The following KRT3 variants were observed in gnomAD, a reference collection of about 807,000 sequenced individuals.
KRT3 encodes the protein keratin, type II cytoskeletal 3.
Under a neutral mutation model 45.8 loss-of-function variants are expected in KRT3, and 34 were observed. The observed-to-expected ratio is 0.74, with a 90% CI of 0.57 to 0.99. The LOEUF is 0.99. Ranked by LOEUF, KRT3 falls within the 50% of genes least tolerant of loss-of-function variation. The probability of loss-of-function intolerance (pLI) is 0.00; values close to 1 mark genes in which losing one functional copy is unlikely to be tolerated. For synonymous variants in KRT3, 367 were observed against 329.0 expected, an observed-to-expected ratio of 1.12 and a Z score of -1.25; for missense variants, 828 against 820.6, an observed-to-expected ratio of 1.01 and a Z score of -0.11.
intron 1 of KRT3, 125 bp from the exon 2 acceptor site, chr12:52,794,456 A>G (rs1339801002): frequency 1.3e-5 from 9 of 676,016 alleles, no homozygotes; most frequent in Non-Finnish European, 2.4e-5. Flanking sequence ...AAAAGATGCA[A>G]AGATAGGCTC....
chr12:52,790,859 A>G lies in KRT3; in HGVS notation c.1549T>C (p.Cys517Arg). ...TTACAGATGCTGACAGCACTCGGAC[A>G]CTCTCCAGACATCCTGTTTGAGAAA... ...EGEEYRMSGE[C>R]PSAVSISVVS... Residue 517 changes from cysteine (C) to arginine (R), a missense_variant, in exon 8 of 9, where the codon TGT becomes CGT. Coordinates refer to ENST00000417996, the MANE Select transcript of KRT3 (RefSeq NM_057088.3). The G allele has an allele frequency of 6.3e-7, 1 of 1,598,056 alleles. No individual in the cohort carries two copies. Among genetic ancestry groups the G allele is most frequent in the South Asian group, 1.1e-5 (1 of 87,864 alleles).
Position 52,794,193 on chromosome 12 carries a change from G to C in KRT3, c.784C>G (p.Leu262Val). ...ENHINYLRSY[L>V]DNILGERGRL... ...CCTCTCTCCCCGAGGATGTTGTCCAGGTAGCTCCGCAGGTAGTTGATGTGA... is the reference window on the plus strand; with the variant it reads ...CCTCTCTCCCCGAGGATGTTGTCCACGTAGCTCCGCAGGTAGTTGATGTGA... Residue 262 changes from leucine to valine, a missense_variant, in exon 2 of 9, where the codon CTG becomes GTG. Transcript: ENST00000417996. The C allele has an allele frequency of 6.2e-7, 1 of 1,614,230 alleles. No homozygotes were observed. The highest frequency in any genetic ancestry group is 8.5e-7 in the Non-Finnish European group (1 of 1,180,036).
chr12:52,792,123 G>T, intron 5 of KRT3, 116 bp downstream of exon 5: 1 of 910,548 alleles, frequency 1.1e-6, no homozygotes, highest in South Asian at 1.7e-5. Flanking sequence ...ACTTCAGAGG[G>T]TAAAACCAAA....
At chr12:52,792,646 A>G in intron 4 of KRT3, 65 bp downstream of exon 4, 1 of 1,245,548 alleles carries the variant, frequency 8.0e-7, no homozygotes, top group Non-Finnish European at 1.2e-6. Context: ...ACCAAAATGC[A>G]CCAGCCTCAA....
At position 52,792,781 on chromosome 12, in the gene KRT3, T is replaced by G; in HGVS notation, c.953A>C (p.Lys318Thr). The G allele has an allele frequency of 1.2e-6, 2 of 1,613,230 alleles. No homozygotes were observed. The highest frequency in any genetic ancestry group is 1.7e-6 in the Non-Finnish European group (2 of 1,179,166). Residue 318 changes from lysine (K) to threonine (T), a missense_variant, in exon 4 of 9, where the codon AAG (lysine) becomes ACG (threonine). By Grantham distance (78) the Lys-to-Thr change is moderately conservative. Coordinates refer to ENST00000417996, the MANE Select transcript of KRT3 (RefSeq NM_057088.3). ...ATCCACTTTGGCCTGAAGCTCCACC[T>G]TGTTCATATAGGCACTGTCCACATC... ...KKDVDSAYMNKVELQAKVDAL... is the reference protein window; with the variant it reads ...KKDVDSAYMNTVELQAKVDAL...
Position 52,790,127 on chromosome 12 carries a change from C to T in KRT3, c.1802G>A (p.Gly601Asp), listed in dbSNP as rs192685142. 851 of 1,546,478 alleles carry T rather than the reference C, an allele frequency of 5.5e-4. 1 individual carries two copies. In the African/African-American group the frequency reaches 9.1e-3, roughly 17 times the overall value. Residue 601 changes from glycine (G) to aspartate (D), a missense_variant, in exon 9 of 9, where the codon GGC becomes GAC. Gly to Asp is a moderately conservative substitution (Grantham distance 94, BLOSUM62 -1). Transcript: ENST00000417996. ...GTTGCTGGCCGAGCTGAAGCCCCCG[C>T]CACTGACTCCATAGCGGGCGCCAGA... ...SISGARYGVS[G>D]GGFSSASNRG...
Position 52,790,170 on chromosome 12 carries a change from TGC to T in KRT3, c.1757_1758del (p.Gly586GlufsTer141). 6.5e-7 allele frequency: 1 copy of T among 1,548,248 alleles called. No individual in the cohort carries two copies. The highest frequency in any genetic ancestry group is 8.7e-7 in the Non-Finnish European group (1 of 1,146,800). Reference protein sequence around the residue: ...FGGGSSGFSGGSGFGSISGAR... With the variant: ...FGGGSSGFSGXSGFGSISGAR... Reference sequence around the variant, plus strand: ...GCGCCAGAGATGGAGCCAAAGCCGCTGCCACCGCTGAAACCGCTGCTGCCGCC... The same window carrying T: ...GCGCCAGAGATGGAGCCAAAGCCGCTCACCGCTGAAACCGCTGCTGCCGCC... On this transcript the variant is annotated frameshift_variant, in exon 9 of 9. Transcript: ENST00000417996. LOFTEE classifies it low-confidence loss of function (END_TRUNC).
chr12:52,794,360 G>A (rs764116805), intron 1 of KRT3, 29 bp from the exon 2 acceptor site: 134 of 1,564,202 alleles, frequency 8.6e-5, no homozygotes, highest in Non-Finnish European at 1.1e-4. Context: ...GCAACATCAG[G>A]CAACACTTGT....
At position 52,792,284 on chromosome 12, in the gene KRT3, G is replaced by A. The variant is rs745571194; in HGVS notation, c.1143C>T (p.Ile381=). 26 of 1,613,974 alleles carry A rather than the reference G, an allele frequency of 1.6e-5. No individual in the cohort carries two copies. Among genetic ancestry groups the A allele is most frequent in the East Asian group, 8.9e-5 (4 of 44,892 alleles). Residue 381 remains isoleucine, a synonymous_variant, in exon 5 of 9, where the codon ATC becomes ATT. Coordinates refer to ENST00000417996, the MANE Select transcript of KRT3 (RefSeq NM_057088.3). ...CAGCTTCGGCCTTGCTTCTCTGAGC[G>A]ATATCCTCATACTGTGCACGAACTT... ...IAEVRAQYED[I]AQRSKAEAEA...
chr12:52,792,978 T>C (rs1464774572), intron 3 of KRT3, among the ~76,000 whole-genome samples, 172 bp from the exon 4 acceptor site: 1 of 152,166 alleles, frequency 6.6e-6, no homozygotes, highest in African/African-American at 2.4e-5. Flanking sequence ...TTAATCCTAC[T>C]AAAAAACTAA....
Position 52,795,905 on chromosome 12 carries a change from C to G in KRT3, c.138G>C (p.Arg46=), listed in dbSNP as rs377002190. Residue 46 remains arginine, a synonymous_variant, in exon 1 of 9, where the codon CGG becomes CGC. Coordinates refer to ENST00000417996, the MANE Select transcript of KRT3 (RefSeq NM_057088.3). ...GACTGCCAAAGCCACCTGCTCCGCT[C>G]CGGAAGCCATAGGCCCCTCCGCCAG... ...GGAGGGAYGF[R]SGAGGFGSRS... is the part of the protein sequence containing the mutation. 7.9e-5 allele frequency: 127 copies of G among 1,614,060 alleles called. No individual in the cohort carries two copies. The highest frequency in any genetic ancestry group is 1.6e-4 in the Middle Eastern group (1 of 6,062).
intron 2 of KRT3, among the ~76,000 whole-genome samples, 193 bp from the exon 3 acceptor site, chr12:52,793,416 C>T (rs1939571547): frequency 6.6e-6 from 1 of 152,130 alleles, no homozygotes; most frequent in East Asian, 1.9e-4. Flanking sequence ...GGCAAACTGT[C>T]TGGTTTTAGC....
chr12:52,792,984 A>G lies in KRT3; in HGVS notation c.928-178T>C, dbSNP rs534532160. ...GGTCTAAGTTTAATCCTACTAAAAA[A>G]CTAAAGACTGATGAACTAACTCTTT... On this transcript the variant is annotated intron_variant, in intron 3 of 8. Transcript: ENST00000417996. 1.7e-3 allele frequency among the ~76,000 whole-genome samples: 264 copies of G among 152,260 alleles called. 1 individual carries two copies. The highest frequency in any genetic ancestry group is 2.6e-3 in the Non-Finnish European group (180 of 68,022).
chr12:52,792,566 T>A (rs1939544909), intron 4 of KRT3, 145 bp downstream of exon 4: 4 of 951,670 alleles, frequency 4.2e-6, no homozygotes, highest in Non-Finnish European at 5.1e-6. Context: ...TGTCTGCAGC[T>A]TATCCTGTGG....
At chr12:52,791,062 G>T in intron 7 of KRT3, 144 bp downstream of exon 7, 1 of 1,369,610 alleles carries the variant, frequency 7.3e-7, no homozygotes, top group East Asian at 2.4e-5. Flanking sequence ...GCCCTGGGAG[G>T]GAGTGGGCTG....
chr12:52,790,675 C>T (rs1275534732), intron 8 of KRT3, among the ~76,000 whole-genome samples, 163 bp downstream of exon 8: 1 of 152,194 alleles, frequency 6.6e-6, no homozygotes, highest in African/African-American at 2.4e-5. Flanking sequence ...ATTAAAAGTG[C>T]CCTGAACCCA....
intron 2 of KRT3, among the ~76,000 whole-genome samples, chr12:52,793,788 C>T (rs556964900): frequency 3.7e-4 from 57 of 152,206 alleles, no homozygotes; most frequent in Middle Eastern, 3.4e-3. Context: ...GATGATATTT[C>T]GCCATGTTGG....
intron 7 of KRT3, 119 bp from the exon 8 acceptor site, chr12:52,790,991 G>C: frequency 7.8e-7 from 1 of 1,278,958 alleles, no homozygotes; most frequent in Non-Finnish European, 1.1e-6. Flanking sequence ...AATCAGGTAA[G>C]CTTTCTCCAC....
Position 52,794,255 on chromosome 12 carries a change from A to T in KRT3, c.722T>A (p.Ile241Asn). The T allele has an allele frequency of 6.2e-7, 1 of 1,614,150 alleles. No individual in the cohort carries two copies. Among genetic ancestry groups the T allele is most frequent in the East Asian group, 2.2e-5 (1 of 44,882 alleles). ...AGGCTCAAGGTTGTTTGTGCCTGAG[A>T]TGGAACTTGTGCCCTGCTGCTGGAG... The part of the protein sequence containing the change: ...NLLQQQGTSS[I>N]SGTNNLEPLF... Residue 241 changes from isoleucine (I) to asparagine (N), a missense_variant, in exon 2 of 9, where the codon ATC (isoleucine) becomes AAC (asparagine). Ile to Asn is a moderately radical substitution (Grantham distance 149). Transcript: ENST00000417996.
Sources: allele counts gnomAD v4.1 joint callset (sites outside exome capture counted in the v4.1 genomes callset), GRCh38; gene constraint gnomAD v4.1.1; transcripts MANE v1.5; gene names NCBI Gene and HGNC (gene_info 2026-07-23, HGNC 2026-07-21).